ITGA8: variants seen among roughly 807,000 people sequenced by gnomAD.
The protein encoded by ITGA8 is integrin subunit alpha 8.
Under a neutral mutation model 142.3 loss-of-function variants are expected in ITGA8, and 91 were observed. That is an observed-to-expected ratio of 0.64 (90% confidence interval 0.54 to 0.76). The LOEUF (loss-of-function observed/expected upper bound fraction) is 0.76, where lower values mean the gene tolerates loss of function less well. Among genes scored for constraint, ITGA8 ranks in the 30% least tolerant of loss-of-function variants. The pLI is 0.00. For missense variants in ITGA8, 1,406 were observed against 1,327.7 expected (o/e 1.06, Z -0.92); for synonymous variants, 505 against 485.2 (o/e 1.04, Z -0.54).
chr10:15,544,974 C>A (rs1833641302), intron 27 of ITGA8, among the ~76,000 whole-genome samples: 1 of 152,156 alleles, frequency 6.6e-6, no homozygotes, highest in Non-Finnish European at 1.5e-5. Flanking sequence ...GCCCCTCAAG[C>A]CTTCAGATGA....
At chr10:15,641,385 T>C (rs368529965) in intron 13 of ITGA8, among the ~76,000 whole-genome samples, 1 of 152,242 alleles carries the variant, frequency 6.6e-6, no homozygotes, top group Non-Finnish European at 1.5e-5. Flanking sequence ...ATTCCTGAAT[T>C]TGGCCTGCAG....
At chr10:15,605,394 C>G (rs1449585447) in intron 19 of ITGA8, among the ~76,000 whole-genome samples, 1 of 152,110 alleles carries the variant, frequency 6.6e-6, no homozygotes, top group African/African-American at 2.4e-5. Context: ...TGGAACCTGC[C>G]TGTCTGAATC....
intron 2 of ITGA8, among the ~76,000 whole-genome samples, chr10:15,689,887 T>C (rs1834900965): frequency 6.6e-6 from 1 of 152,136 alleles, no homozygotes. Context: ...GCAGAAAAGC[T>C]GAATCCAAAC....
intron 2 of ITGA8, among the ~76,000 whole-genome samples, chr10:15,689,681 C>T (rs1393443764): frequency 1.3e-5 from 2 of 152,204 alleles, no homozygotes; most frequent in Non-Finnish European, 2.9e-5. Flanking sequence ...TGCTAGAGTG[C>T]ATCCCGCTCT....
intron 27 of ITGA8, among the ~76,000 whole-genome samples, chr10:15,543,378 C>T (rs1008187379): frequency 1.3e-5 from 2 of 152,304 alleles, no homozygotes; most frequent in East Asian, 3.9e-4. Context: ...CAAAAATATG[C>T]TCACCCCTGT....
At chr10:15,601,428 T>C (rs1459629474) in intron 20 of ITGA8, among the ~76,000 whole-genome samples, 2 of 151,720 alleles carry the variant, frequency 1.3e-5, no homozygotes, top group African/African-American at 4.8e-5. Context: ...GAGGGAGCAA[T>C]GGGGAATTAT....
At position 15,687,952 on chromosome 10, in the gene ITGA8, T is replaced by C; in HGVS notation, c.430A>G (p.Lys144Glu). Reference protein sequence around the residue: ...QWFGATVKAHKGKVVACAPLY... With the variant: ...QWFGATVKAHEGKVVACAPLY... The stretch of plus-strand genomic sequence containing the variant: ...CTCATACTCACCACAACTTTTCCTT[T>C]GTGAGCTTTCACTGTTGCTCCAAAC... The change falls in exon 3 of 30, where the codon AAA (lysine) becomes GAA (glutamate). Residue 144 changes from lysine (K) to glutamate (E), a missense_variant. Transcript: ENST00000378076. The C allele has an allele frequency of 6.2e-7, 1 of 1,610,910 alleles. No individual in the cohort carries two copies.
intron 11 of ITGA8, among the ~76,000 whole-genome samples, chr10:15,651,391 G>T (rs1022384516): frequency 6.6e-6 from 1 of 152,080 alleles, no homozygotes; most frequent in African/African-American, 2.4e-5. Flanking sequence ...AGGCTTGACA[G>T]TATTAACCAT....
intron 4 of ITGA8, among the ~76,000 whole-genome samples, chr10:15,680,161 T>A (rs1048449623): frequency 1.3e-5 from 2 of 151,870 alleles, no homozygotes; most frequent in African/African-American, 4.8e-5. Flanking sequence ...TTCTTTCCTT[T>A]GGTCATTAGT....
At chr10:15,702,293 A>ATT (rs139332670) in intron 2 of ITGA8, among the ~76,000 whole-genome samples, 4 of 144,494 alleles carry the variant, frequency 2.8e-5, no homozygotes, top group Admixed American at 6.9e-5. Context: ...ACACCTGAAG[A>ATT]TTTTTTTTTT....
Position 15,719,766 on chromosome 10 carries a change from C to T in ITGA8, c.6G>A (p.Ser2=). 1 of 1,348,382 alleles carries T rather than the reference C, an allele frequency of 7.4e-7. No homozygotes were observed. 83.5% of individuals were successfully genotyped at this position (1,348,382 alleles called of 1,614,324 possible). A position where few individuals can be genotyped will look rare whatever the true frequency, so the allele number is the denominator to read the frequency against. ...CCCGGGGACCGCGGCTGGCCCCGGGCGACATCTCCCTCCGCCCCGGTGGGT... is the reference window on the plus strand; with the variant it reads ...CCCGGGGACCGCGGCTGGCCCCGGGTGACATCTCCCTCCGCCCCGGTGGGT... The part of the protein sequence containing the change: M[S]PGASRGPRGS... Residue 2 remains serine, a synonymous_variant, in exon 1 of 30, where the codon TCG becomes TCA. Coordinates refer to ENST00000378076, the MANE Select transcript of ITGA8 (RefSeq NM_003638.3).
At chr10:15,585,661 T>C (rs1832815326) in intron 23 of ITGA8, among the ~76,000 whole-genome samples, 3 of 152,212 alleles carry the variant, frequency 2.0e-5, no homozygotes, top group Non-Finnish European at 4.4e-5. Flanking sequence ...AAAAAATCAA[T>C]GAAGTCCAAT....
At chr10:15,570,978 A>G (rs1834170822) in intron 25 of ITGA8, among the ~76,000 whole-genome samples, 1 of 152,228 alleles carries the variant, frequency 6.6e-6, no homozygotes, top group Non-Finnish European at 1.5e-5. Context: ...ATACATTTGC[A>G]TTTGCAGATG....
At chr10:15,648,515 A>G (rs1351057333) in intron 11 of ITGA8, among the ~76,000 whole-genome samples, 1 of 150,464 alleles carries the variant, frequency 6.6e-6, no homozygotes, top group East Asian at 1.9e-4. Flanking sequence ...TATACAATAT[A>G]TTAATATACA....
chr10:15,534,082 T>G (rs1444550784), intron 27 of ITGA8, among the ~76,000 whole-genome samples: 2 of 99,616 alleles, frequency 2.0e-5, no homozygotes, highest in African/African-American at 6.4e-5. Context: ...AATTTTTGTA[T>G]TTTTTTTAGT....
rs1345888815 is a variant in ITGA8, at chr10:15,572,138, C to A, written c.2637+73G>T. The A allele has an allele frequency of 3.9e-6, 5 of 1,293,500 alleles. No homozygotes were observed. In the African/African-American group the frequency reaches 7.4e-5, roughly 19 times the overall value. The allele number at this position is 1,293,500 out of a possible 1,614,324, so 80.1% of individuals were successfully genotyped here. ...AACGATTTCACTCTTCTTTTTTAAA[C>A]AAGCCCAGTTTGTATTTTTTTCATA... On this transcript the variant is annotated intron_variant, in intron 25 of 29. Coordinates refer to ENST00000378076, the MANE Select transcript of ITGA8 (RefSeq NM_003638.3).
chr10:15,674,004 A>T (rs1834578886), intron 6 of ITGA8, among the ~76,000 whole-genome samples: 1 of 152,230 alleles, frequency 6.6e-6, no homozygotes, highest in Admixed American at 6.5e-5. Context: ...TGCGTTCAAA[A>T]GACTATCATT....
At chr10:15,691,368 C>T (rs150446296) in intron 2 of ITGA8, among the ~76,000 whole-genome samples, 1,911 of 152,262 alleles carry the variant, frequency 0.013, 53 homozygotes, top group African/African-American at 0.043. Context: ...AGGAAATCAG[C>T]ATATTGAAAA....
At chr10:15,582,280 C>T (rs776975652) in intron 23 of ITGA8, among the ~76,000 whole-genome samples, 32 of 152,174 alleles carry the variant, frequency 2.1e-4, no homozygotes, top group Non-Finnish European at 1.8e-4. Context: ...TGGCCCTCAC[C>T]TCACACCAGA....
Sources: gnomAD v4.1 joint callset for allele counts (sites outside exome capture counted in the v4.1 genomes callset) on GRCh38, gnomAD v4.1.1 for gene constraint, MANE v1.5 for transcripts, NCBI Gene and HGNC (gene_info 2026-07-23, HGNC 2026-07-21) for gene names.